Variants in ZDHHC15 observed in about 807,000 individuals in gnomAD.
The protein encoded by ZDHHC15 is palmitoyltransferase ZDHHC15.
ZDHHC15 carries 19 observed loss-of-function variants against 31.7 expected under a neutral mutation model. The ratio of observed to expected loss-of-function variants is 0.60; its 90% confidence interval spans 0.42 to 0.88. ZDHHC15 has a LOEUF of 0.88. Ranked by LOEUF, ZDHHC15 falls within the 40% of genes least tolerant of loss-of-function variation. ZDHHC15 has a pLI of 0.00. For missense variants in ZDHHC15, 209 were observed against 251.2 expected (o/e 0.83, Z 1.14); for synonymous variants, 103 against 90.0 (o/e 1.14, Z -0.82).
intron 4 of ZDHHC15, among the ~76,000 whole-genome samples, chrX:75,449,016 G>T (rs1234490252): frequency 9.0e-6 from 1 of 110,624 alleles, no homozygotes; most frequent in African/African-American, 3.3e-5. Flanking sequence ...CATGAGCTGA[G>T]ACATCAGTTT....
At chrX:75,436,975 G>A (rs1348650400) in intron 4 of ZDHHC15, among the ~76,000 whole-genome samples, 1 of 111,768 alleles carries the variant, frequency 8.9e-6, no homozygotes, top group African/African-American at 3.3e-5. Flanking sequence ...TCTGCCTCCT[G>A]GGTTCACGCC....
At chrX:75,479,111 G>T in intron 2 of ZDHHC15, 126 bp from the exon 3 acceptor site, 1 of 428,944 alleles carries the variant, frequency 2.3e-6, no homozygotes, top group Non-Finnish European at 3.7e-6. Flanking sequence ...GTATTATTAT[G>T]AAGTGTTAAT....
At chrX:75,500,924 G>C (rs1265046218) in intron 2 of ZDHHC15, among the ~76,000 whole-genome samples, 2 of 110,248 alleles carry the variant, frequency 1.8e-5, no homozygotes, top group Non-Finnish European at 3.8e-5. Flanking sequence ...ATTAAGGTTA[G>C]TATAATTGAG....
intron 10 of ZDHHC15, among the ~76,000 whole-genome samples, chrX:75,412,527 G>A (rs779566469): frequency 1.1e-3 from 122 of 110,835 alleles, no homozygotes; most frequent in African/African-American, 3.9e-3. Context: ...CACTTCCCGG[G>A]TTCAAGCGAT....
At chrX:75,489,448 T>C (rs754263912) in intron 2 of ZDHHC15, among the ~76,000 whole-genome samples, 24 of 111,987 alleles carry the variant, frequency 2.1e-4, no homozygotes, top group Non-Finnish European at 3.6e-4. Flanking sequence ...TCCGCTGTTC[T>C]GCAGCCTCCA....
At chrX:75,494,130 A>C (rs1298778248) in intron 2 of ZDHHC15, among the ~76,000 whole-genome samples, 2 of 111,394 alleles carry the variant, frequency 1.8e-5, no homozygotes, top group African/African-American at 3.3e-5. Context: ...GCATTCTTAT[A>C]CACCAATAAC....
At chrX:75,427,868 T>C (rs2083733201) in intron 7 of ZDHHC15, among the ~76,000 whole-genome samples, 1 of 111,352 alleles carries the variant, frequency 9.0e-6, no homozygotes, top group South Asian at 3.7e-4. Flanking sequence ...TCTGAACTGA[T>C]TAAGCAAGTT....
At chrX:75,484,880 C>T (rs778891045) in intron 2 of ZDHHC15, among the ~76,000 whole-genome samples, 248 of 111,746 alleles carry the variant, frequency 2.2e-3, no homozygotes, top group Non-Finnish European at 3.9e-3. Context: ...AATACTTCTC[C>T]GCAATAAAAA....
At chrX:75,450,633 G>T in intron 4 of ZDHHC15, 169 bp downstream of exon 4, 1 of 1,020,042 alleles carries the variant, frequency 9.8e-7, no homozygotes, top group Non-Finnish European at 1.3e-6. Flanking sequence ...AATTCTTCCA[G>T]CTTTGATATG....
At chrX:75,383,372 G>A (rs1284059862) in intron 10 of ZDHHC15, among the ~76,000 whole-genome samples, 1 of 111,984 alleles carries the variant, frequency 8.9e-6, no homozygotes, top group Non-Finnish European at 1.9e-5. Flanking sequence ...TCTGACTCCA[G>A]TGAGTTCCCA....
chrX:75,386,718 C>G (rs950954433), intron 10 of ZDHHC15, among the ~76,000 whole-genome samples: 1 of 112,381 alleles, frequency 8.9e-6, no homozygotes, highest in African/African-American at 3.2e-5. Flanking sequence ...CTCAAGCAGT[C>G]TGCCAGCCTC....
At chrX:75,476,402 T>C (rs1230152019) in intron 3 of ZDHHC15, among the ~76,000 whole-genome samples, 1 of 111,290 alleles carries the variant, frequency 9.0e-6, no homozygotes, top group African/African-American at 3.3e-5. Context: ...TAAAAGTCTA[T>C]TCAGATTTTT....
intron 2 of ZDHHC15, among the ~76,000 whole-genome samples, chrX:75,481,034 C>T (rs1377729979): frequency 2.7e-5 from 3 of 111,402 alleles, no homozygotes; most frequent in African/African-American, 9.8e-5. Flanking sequence ...TGGCTACCCC[C>T]TGGGAGTGTC....
At chrX:75,434,764 G>T (rs2083828478) in intron 4 of ZDHHC15, among the ~76,000 whole-genome samples, 1 of 112,040 alleles carries the variant, frequency 8.9e-6, no homozygotes, top group South Asian at 3.7e-4. Flanking sequence ...TTGAAGTCAG[G>T]TAACGTGATG....
chrX:75,494,565 G>T (rs1206141141), intron 2 of ZDHHC15, among the ~76,000 whole-genome samples: 1 of 112,083 alleles, frequency 8.9e-6, no homozygotes, highest in African/African-American at 3.2e-5. Context: ...AAACAGCATG[G>T]TACTTGTACC....
intron 4 of ZDHHC15, among the ~76,000 whole-genome samples, chrX:75,449,380 C>A (rs758526037): frequency 9.0e-5 from 10 of 111,131 alleles, no homozygotes; most frequent in African/African-American, 3.3e-4. Flanking sequence ...CTGGGAATTG[C>A]AAATACCTCA....
intron 3 of ZDHHC15, among the ~76,000 whole-genome samples, chrX:75,461,783 C>A (rs962270486): frequency 8.9e-6 from 1 of 111,783 alleles, no homozygotes; most frequent in African/African-American, 3.3e-5. Context: ...GAAGGAAGCA[C>A]TAAATATGGA....
In ZDHHC15 at chrX:75,379,200, T is replaced by C; in HGVS notation, c.968-2A>G. 1 of 1,210,993 alleles carries C rather than the reference T, an allele frequency of 8.3e-7. No individual in the cohort carries two copies. The highest frequency in any genetic ancestry group is 1.1e-6 in the Non-Finnish European group (1 of 895,010). ...GAGATGATGAGCCTTCTGGATAATC[T>C]GCAAGGTTGAAACGTGAAGATGATC... On this transcript the variant is annotated splice_acceptor_variant, in intron 10 of 11. Coordinates refer to ENST00000373367, the MANE Select transcript of ZDHHC15 (RefSeq NM_144969.3). LOFTEE classifies it high-confidence loss of function.
intron 10 of ZDHHC15, among the ~76,000 whole-genome samples, chrX:75,398,212 C>A (rs185060293): frequency 8.9e-6 from 1 of 112,320 alleles, no homozygotes; most frequent in African/African-American, 3.2e-5. Flanking sequence ...GTGGGAGGGG[C>A]GAGCCACCAT....
Sources: allele counts gnomAD v4.1 joint callset (sites outside exome capture counted in the v4.1 genomes callset), GRCh38; gene constraint gnomAD v4.1.1; transcripts MANE v1.5; gene names NCBI Gene and HGNC (gene_info 2026-07-23, HGNC 2026-07-21).